Variants in NBEAL1 observed in about 807,000 individuals in gnomAD.
NBEAL1 encodes the protein neurobeachin-like protein 1.
Under a neutral mutation model 351.3 loss-of-function variants are expected in NBEAL1, and 273 were observed. That is an observed-to-expected ratio of 0.78 (90% CI 0.70 to 0.86). The LOEUF (loss-of-function observed/expected upper bound fraction) is 0.86, where lower values mean the gene tolerates loss of function less well. Ranked by LOEUF, NBEAL1 falls within the 40% of genes least tolerant of loss-of-function variation. The probability of loss-of-function intolerance (pLI) is 0.00; values close to 1 mark genes in which losing one functional copy is unlikely to be tolerated. For missense variants in NBEAL1, 2,961 were observed against 3,201.3 expected (o/e 0.92, Z 1.81); for synonymous variants, 1,050 against 1,086.4 (o/e 0.97, Z 0.66).
Position 203,107,731 on chromosome 2 carries a change from T to A in NBEAL1, c.1492T>A (p.Trp498Arg), listed in dbSNP as rs1266572927. Residue 498 changes from tryptophan to arginine, a missense_variant, in exon 14 of 56, where the codon TGG becomes AGG. Trp to Arg is a moderately radical substitution (Grantham distance 101). Coordinates refer to ENST00000683969, the MANE Select transcript of NBEAL1 (RefSeq NM_001378026.1). ...TGACCTGCAAATCTTCATCTCTGAT[T>A]GGCTGAAAAGAATTTGTTGTATTAA... The part of the protein sequence containing the change: ...SHDLQIFISD[W>R]LKRICCINRQ... The A allele has an allele frequency of 1.3e-6, 2 of 1,553,702 alleles. No homozygotes were observed. Among genetic ancestry groups the A allele is most frequent in the Admixed American group, 2.0e-5 (1 of 50,984 alleles).
At chr2:203,142,505 A>G (rs1445997053) in intron 31 of NBEAL1, among the ~76,000 whole-genome samples, 1 of 152,168 alleles carries the variant, frequency 6.6e-6, no homozygotes, top group Non-Finnish European at 1.5e-5. Flanking sequence ...ATGCAAGACT[A>G]TTTATAATGA....
chr2:203,026,307 A>G (rs1445807096), intron 2 of NBEAL1, among the ~76,000 whole-genome samples: 2 of 152,086 alleles, frequency 1.3e-5, no homozygotes, highest in African/African-American at 2.4e-5. Context: ...GTCTGCTGAT[A>G]TTTCTCATAT....
At chr2:203,192,855 T>C (rs1290345411) in intron 46 of NBEAL1, among the ~76,000 whole-genome samples, 1 of 152,170 alleles carries the variant, frequency 6.6e-6, no homozygotes, top group Non-Finnish European at 1.5e-5. Context: ...TAGATGATAC[T>C]GTTCTGTGTT....
In NBEAL1 at chr2:203,218,037, C is replaced by T. The variant is rs1669014025; in HGVS notation, c.*683C>T. On this transcript the variant is annotated 3_prime_UTR_variant, in exon 56 of 56. Coordinates refer to ENST00000683969, the MANE Select transcript of NBEAL1 (RefSeq NM_001378026.1). ...GTATTTCCTTAATAATATAATTAAG[C>T]AAAAGTGCTAATTGTGATTTTGACA... The T allele has an allele frequency of 2.9e-6, 2 of 687,816 alleles. No individual in the cohort carries two copies. The highest frequency in any genetic ancestry group is 1.3e-4 in the East Asian group (1 of 7,494). The allele number at this position is 687,816 out of a possible 1,614,324, so 42.6% of individuals were successfully genotyped here. A position where few individuals can be genotyped will look rare whatever the true frequency, so the allele number is the denominator to read the frequency against.
intron 12 of NBEAL1, among the ~76,000 whole-genome samples, chr2:203,103,714 G>C (rs1199200461): frequency 6.6e-6 from 1 of 152,130 alleles, no homozygotes; most frequent in Non-Finnish European, 1.5e-5. Flanking sequence ...TGGATTTGCA[G>C]TCTTTCTAAC....
At chr2:203,045,687 TCA>T (rs1172128885) in intron 3 of NBEAL1, among the ~76,000 whole-genome samples, 1 of 152,238 alleles carries the variant, frequency 6.6e-6, no homozygotes, top group East Asian at 1.9e-4. Flanking sequence ...CTTATGTGCT[TCA>T]GATTTTTCTG....
rs189753012 is a variant in NBEAL1 at position 203,130,355 on chromosome 2, G to A, written c.3443G>A (p.Arg1148His). ...TTGGACGTGCTCTTCAGTCTCCTACGTACCAGCCCAACCAGAGGTCAGCTT... is the reference window on the plus strand; with the variant it reads ...TTGGACGTGCTCTTCAGTCTCCTACATACCAGCCCAACCAGAGGTCAGCTT... Reference protein sequence around the residue: ...GILDVLFSLLRTSPTRGQLFL... With the variant: ...GILDVLFSLLHTSPTRGQLFL... Residue 1148 changes from arginine (R) to histidine (H), a missense_variant, in exon 25 of 56, where the codon CGT becomes CAT. Coordinates refer to ENST00000683969, the MANE Select transcript of NBEAL1 (RefSeq NM_001378026.1). 7,376 of 1,534,656 alleles carry A rather than the reference G, an allele frequency of 4.8e-3. 22 individuals are homozygous for A. Among genetic ancestry groups the A allele is most frequent in the Non-Finnish European group, 5.7e-3 (6,532 of 1,140,884 alleles).
At chr2:203,213,042 T>G (rs893380794) in intron 54 of NBEAL1, among the ~76,000 whole-genome samples, 2 of 152,232 alleles carry the variant, frequency 1.3e-5, no homozygotes, top group African/African-American at 4.8e-5. Context: ...AGTATCCATA[T>G]AGAATCCTGT....
At chr2:203,180,345 A>G (rs748275924) in intron 42 of NBEAL1, 37 bp from the exon 43 acceptor site, 4 of 1,579,426 alleles carry the variant, frequency 2.5e-6, no homozygotes, top group Admixed American at 1.9e-5. Flanking sequence ...TGTTGATTTC[A>G]TTCAATATTT....
At chr2:203,015,894 A>G (rs1328860309) in intron 1 of NBEAL1, 2 of 152,544 alleles carry the variant, frequency 1.3e-5, no homozygotes, top group African/African-American at 4.8e-5. Flanking sequence ...CTTGCTCCTT[A>G]TTCTCACTGG....
intron 27 of NBEAL1, among the ~76,000 whole-genome samples, chr2:203,133,800 ATTTG>A (rs544813927): frequency 7.3e-5 from 11 of 151,136 alleles, no homozygotes; most frequent in East Asian, 1.9e-4. Context: ...TATATAATTT[ATTTG>A]TTTAACTGAC....
chr2:203,176,939 C>T (rs752560558), intron 42 of NBEAL1, among the ~76,000 whole-genome samples: 1 of 151,810 alleles, frequency 6.6e-6, no homozygotes, highest in Non-Finnish European at 1.5e-5. Context: ...ATCACTTGAG[C>T]CCATGAGTTT....
intron 10 of NBEAL1, chr2:203,085,823 A>G (rs1269629686): frequency 6.6e-6 from 1 of 152,232 alleles, no homozygotes; most frequent in Non-Finnish European, 1.5e-5. Context: ...TGTTGCTCAT[A>G]GATGAAAACT....
chr2:203,190,647 G>A (rs1319678916), intron 46 of NBEAL1: 4 of 1,073,772 alleles, frequency 3.7e-6, no homozygotes, highest in Admixed American at 2.3e-5. Flanking sequence ...GCCCAAAAAG[G>A]CACTTGCTTT....
At chr2:203,120,288 G>A (rs2062800234) in intron 18 of NBEAL1, among the ~76,000 whole-genome samples, 1 of 152,158 alleles carries the variant, frequency 6.6e-6, no homozygotes, top group East Asian at 1.9e-4. Context: ...AGCTCAGTAA[G>A]ATAAGTAACT....
At chr2:203,211,284 AATATAT>A (rs1160971163) in intron 54 of NBEAL1, among the ~76,000 whole-genome samples, 178 bp downstream of exon 54, 1 of 152,034 alleles carries the variant, frequency 6.6e-6, no homozygotes, top group African/African-American at 2.4e-5. Flanking sequence ...TCATAAAGGA[AATATAT>A]ATATACATTT....
At chr2:203,079,912 C>G (rs1030001198) in intron 8 of NBEAL1, among the ~76,000 whole-genome samples, 3 of 152,120 alleles carry the variant, frequency 2.0e-5, no homozygotes, top group African/African-American at 7.2e-5. Flanking sequence ...TTTTAATCTT[C>G]TAGCAGTAAG....
intron 12 of NBEAL1, among the ~76,000 whole-genome samples, chr2:203,102,360 G>C (rs1288007575): frequency 6.6e-6 from 1 of 152,188 alleles, no homozygotes; most frequent in Non-Finnish European, 1.5e-5. Flanking sequence ...AATGGGAGTA[G>C]TGAGAGAGGG....
chr2:203,136,137 G>A lies in NBEAL1; in HGVS notation c.4274G>A (p.Ser1425Asn). 1 of 1,614,094 alleles carries A rather than the reference G, an allele frequency of 6.2e-7. No homozygotes were observed. The highest frequency in any genetic ancestry group is 1.1e-5 in the South Asian group (1 of 91,078). Reference protein sequence around the residue: ...SGSQVPDSLPSTPSPVESTKS... With the variant: ...SGSQVPDSLPNTPSPVESTKS... ...AGTCAAGTGCCAGACAGTCTGCCTA[G>A]CACACCATCCCCAGTAGAGTCTACT... Residue 1425 changes from serine (S) to asparagine (N), a missense_variant, in exon 28 of 56, where the codon AGC becomes AAC. By Grantham distance (46) the Ser-to-Asn change is conservative. Transcript: ENST00000683969.
Sources: allele counts gnomAD v4.1 joint callset (sites outside exome capture counted in the v4.1 genomes callset), GRCh38; gene constraint gnomAD v4.1.1; transcripts MANE v1.5; gene names NCBI Gene and HGNC (gene_info 2026-07-23, HGNC 2026-07-21).